The following EYS variants were observed in gnomAD, a reference collection of about 807,000 sequenced individuals.
The protein encoded by EYS is protein eyes shut homolog.
Under a neutral mutation model 282.1 loss-of-function variants are expected in EYS, and 250 were observed. The ratio of observed to expected loss-of-function variants is 0.89; its 90% CI spans 0.80 to 0.98. The LOEUF is 0.98. EYS is among the 50% of genes least tolerant of loss of function. The pLI is 0.00. For synonymous variants in EYS, 1,355 were observed against 1,282.9 expected (o/e 1.06, Z -1.20); for missense variants, 4,016 against 3,709.0 (o/e 1.08, Z -2.15).
At chr6:64,408,639 A>G (rs578208801) in intron 28 of EYS, among the ~76,000 whole-genome samples, 5 of 152,210 alleles carry the variant, frequency 3.3e-5, no homozygotes, top group East Asian at 1.9e-4. Flanking sequence ...AAAAAATACA[A>G]TATAGAATGT....
chr6:64,996,875 T>G (rs1771281317), intron 14 of EYS, among the ~76,000 whole-genome samples: 1 of 152,206 alleles, frequency 6.6e-6, no homozygotes, highest in African/African-American at 2.4e-5. Context: ...CAAATATCAG[T>G]TCTGTTGTTA....
chr6:65,608,126 T>C (rs981814474), intron 2 of EYS, among the ~76,000 whole-genome samples: 1 of 151,998 alleles, frequency 6.6e-6, no homozygotes, highest in African/African-American at 2.4e-5. Context: ...AATTTTGTTA[T>C]TGTGTGAACA....
At chr6:64,348,168 A>C (rs1376050647) in intron 29 of EYS, among the ~76,000 whole-genome samples, 1 of 151,418 alleles carries the variant, frequency 6.6e-6, no homozygotes, top group Non-Finnish European at 1.5e-5. Context: ...ATACCAACTA[A>C]TAACTATTGA....
intron 33 of EYS, among the ~76,000 whole-genome samples, chr6:64,062,691 CAAAAA>C (rs1023609648): frequency 4.4e-4 from 26 of 58,958 alleles, no homozygotes; most frequent in Non-Finnish European, 5.1e-4. Context: ...AACTCCAACT[CAAAAA>C]AAAAAAAAAA....
intron 12 of EYS, among the ~76,000 whole-genome samples, chr6:65,109,148 CTATTTT>C (rs1387663812): frequency 3.3e-5 from 5 of 151,782 alleles, no homozygotes; most frequent in Non-Finnish European, 7.4e-5. Flanking sequence ...TCTATACAAA[CTATTTT>C]TATTTTTTTC....
intron 5 of EYS, among the ~76,000 whole-genome samples, chr6:65,412,226 T>A (rs1326702886): frequency 1.6e-4 from 25 of 152,144 alleles, no homozygotes; most frequent in Admixed American, 1.6e-3. Context: ...AGGACTGTGA[T>A]AAATAAATGT....
chr6:65,493,919 T>C (rs1474060552), intron 4 of EYS, among the ~76,000 whole-genome samples: 1 of 152,198 alleles, frequency 6.6e-6, no homozygotes, highest in African/African-American at 2.4e-5. Flanking sequence ...GCAGCTTCAA[T>C]CACTTCCCTT....
At chr6:65,251,051 A>AC (rs1562050318) in intron 12 of EYS, among the ~76,000 whole-genome samples, 1 of 151,166 alleles carries the variant, frequency 6.6e-6, no homozygotes, top group Non-Finnish European at 1.5e-5. Context: ...AAAAAAAAAA[A>AC]AAAACAGGAG....
At chr6:64,451,811 C>A (rs150475362) in intron 26 of EYS, among the ~76,000 whole-genome samples, 1 of 151,820 alleles carries the variant, frequency 6.6e-6, no homozygotes, top group Non-Finnish European at 1.5e-5. Context: ...ATTGAACAAC[C>A]TTCATGCTAA....
chr6:64,977,803 A>C (rs9354196), intron 14 of EYS, among the ~76,000 whole-genome samples: 10,266 of 151,962 alleles, frequency 0.068, 443 homozygotes, highest in East Asian at 0.13. Flanking sequence ...AGATCAAATA[A>C]GTCATGATAG....
At chr6:64,284,784 G>A (rs1018262833) in intron 30 of EYS, among the ~76,000 whole-genome samples, 1 of 152,176 alleles carries the variant, frequency 6.6e-6, no homozygotes, top group African/African-American at 2.4e-5. Context: ...CAAGACTTGA[G>A]GCTTGCACCC....
chr6:65,216,307 A>G (rs893727878), intron 12 of EYS, among the ~76,000 whole-genome samples: 2 of 152,078 alleles, frequency 1.3e-5, no homozygotes, highest in African/African-American at 4.8e-5. Context: ...GTACACGTCT[A>G]TATGACTAAT....
chr6:64,955,675 A>G (rs959884172), intron 14 of EYS, among the ~76,000 whole-genome samples: 1 of 152,204 alleles, frequency 6.6e-6, no homozygotes, highest in Non-Finnish European at 1.5e-5. Context: ...GGTTTTGCTT[A>G]GGCATTCTTG....
intron 29 of EYS, among the ~76,000 whole-genome samples, chr6:64,356,407 C>T (rs1582645726): frequency 1.3e-5 from 2 of 151,486 alleles, no homozygotes; most frequent in East Asian, 3.9e-4. Flanking sequence ...CATTGGTGTC[C>T]CATAAGAGTT....
At chr6:65,428,284 AT>A (rs1232062028) in intron 5 of EYS, among the ~76,000 whole-genome samples, 1 of 152,128 alleles carries the variant, frequency 6.6e-6, no homozygotes, top group African/African-American at 2.4e-5. Flanking sequence ...ATATGACAGT[AT>A]TTTTTAATAA....
intron 1 of EYS, among the ~76,000 whole-genome samples, chr6:65,686,521 C>T (rs910140279): frequency 1.3e-5 from 2 of 152,080 alleles, no homozygotes; most frequent in African/African-American, 4.8e-5. Context: ...CTAGCACACA[C>T]ACAAACACAT....
At chr6:65,166,696 C>T (rs888206099) in intron 12 of EYS, among the ~76,000 whole-genome samples, 1 of 150,884 alleles carries the variant, frequency 6.6e-6, no homozygotes, top group African/African-American at 2.4e-5. Flanking sequence ...TCATAAGTGA[C>T]AAAAAATATT....
chr6:65,546,819 C>A (rs971895463), intron 2 of EYS, among the ~76,000 whole-genome samples: 1 of 152,102 alleles, frequency 6.6e-6, no homozygotes, highest in Non-Finnish European at 1.5e-5. Context: ...GATCTACCCA[C>A]ATTGACCTCC....
At chr6:65,103,171 A>G (rs559204596) in intron 12 of EYS, among the ~76,000 whole-genome samples, 35 of 151,608 alleles carry the variant, frequency 2.3e-4, no homozygotes, top group African/African-American at 8.0e-4. Flanking sequence ...AACAAGTCCA[A>G]TGGATAATTC....
Sources: allele counts gnomAD v4.1 joint callset (sites outside exome capture counted in the v4.1 genomes callset), GRCh38; gene constraint gnomAD v4.1.1; transcripts MANE v1.5; gene names NCBI Gene and HGNC (gene_info 2026-07-23, HGNC 2026-07-21).